The following ELOVL5 variants were observed in gnomAD, a reference collection of about 807,000 sequenced individuals.
ELOVL5 encodes very long chain fatty acid elongase 5.
Under a neutral mutation model 38.6 loss-of-function variants are expected in ELOVL5, and 8 were observed. That is an observed-to-expected ratio of 0.21 (90% confidence interval 0.12 to 0.37). The LOEUF is 0.37. ELOVL5 is among the 10% of genes least tolerant of loss of function. ELOVL5 has a pLI of 1.00. For synonymous variants in ELOVL5, 127 were observed against 133.7 expected, an observed-to-expected ratio of 0.95 and a Z score of 0.34; for missense variants, 280 against 367.8, an observed-to-expected ratio of 0.76 and a Z score of 1.95.
Position 53,284,328 on chromosome 6 carries a change from G to T in ELOVL5, c.246+7448C>A, listed in dbSNP as rs567277817. 4.5e-3 allele frequency among the ~76,000 whole-genome samples: 647 copies of T among 144,532 alleles called. 8 individuals are homozygous for T. Among genetic ancestry groups the T allele is most frequent in the African/African-American group, 0.016 (624 of 38,270 alleles). 94.8% of individuals were successfully genotyped at this position (144,532 alleles called of 152,430 possible). A position where few individuals can be genotyped will look rare whatever the true frequency, so the allele number is the denominator to read the frequency against. On this transcript the variant is annotated intron_variant, in intron 3 of 7. Coordinates refer to ENST00000304434, the MANE Select transcript of ELOVL5 (RefSeq NM_021814.5). The stretch of plus-strand genomic sequence containing the variant: ...TTTTTTTTTTTTAAAAAAAAAGGTA[G>T]AAATAACTCCTGACAACAGTAACAT...
chr6:53,342,375 T>C (rs1468414702), intron 1 of ELOVL5, among the ~76,000 whole-genome samples: 1 of 152,198 alleles, frequency 6.6e-6, no homozygotes. Context: ...TGTTGTAGCA[T>C]TTGCTGTGCC....
chr6:53,338,027 C>T (rs1014357204), intron 1 of ELOVL5, among the ~76,000 whole-genome samples: 1 of 151,954 alleles, frequency 6.6e-6, no homozygotes, highest in Admixed American at 6.6e-5. Context: ...GTGGGGCACC[C>T]AACGATGAAA....
chr6:53,329,360 C>T (rs1581987475), intron 1 of ELOVL5, among the ~76,000 whole-genome samples: 1 of 151,902 alleles, frequency 6.6e-6, no homozygotes, highest in African/African-American at 2.4e-5. Flanking sequence ...TTGTTTTAAA[C>T]CTATATTTTA....
intron 1 of ELOVL5, among the ~76,000 whole-genome samples, chr6:53,348,478 G>A (rs1307635458): frequency 6.6e-6 from 1 of 152,040 alleles, no homozygotes; most frequent in Non-Finnish European, 1.5e-5. Context: ...CGTCTGGTGT[G>A]GGCACGGTGT....
chr6:53,271,088 G>A (rs895360126), intron 6 of ELOVL5, among the ~76,000 whole-genome samples: 3 of 152,192 alleles, frequency 2.0e-5, no homozygotes, highest in African/African-American at 7.2e-5. Context: ...CCACCTGGCT[G>A]GACATCCTTC....
chr6:53,303,787 TA>T (rs2127579037), intron 1 of ELOVL5, among the ~76,000 whole-genome samples: 1 of 152,370 alleles, frequency 6.6e-6, no homozygotes, highest in East Asian at 1.9e-4. Flanking sequence ...ACTAGTTAAT[TA>T]AAAAGCACTT....
intron 1 of ELOVL5, among the ~76,000 whole-genome samples, chr6:53,316,432 C>T (rs941604559): frequency 6.6e-6 from 1 of 151,812 alleles, no homozygotes; most frequent in African/African-American, 2.4e-5. Context: ...TTAAGGCTTG[C>T]TAGTGGGGAT....
chr6:53,334,337 G>C (rs192150009), intron 1 of ELOVL5, among the ~76,000 whole-genome samples: 1 of 152,296 alleles, frequency 6.6e-6, no homozygotes, highest in East Asian at 1.9e-4. Context: ...CAGAGCCAGA[G>C]AGGCTCCTGA....
At chr6:53,332,796 A>C (rs2127591975) in intron 1 of ELOVL5, among the ~76,000 whole-genome samples, 1 of 152,324 alleles carries the variant, frequency 6.6e-6, no homozygotes, top group South Asian at 2.1e-4. Flanking sequence ...TCTGTTTGCT[A>C]ATCAGTTCAA....
intron 1 of ELOVL5, among the ~76,000 whole-genome samples, chr6:53,300,532 G>C (rs79879075): frequency 0.016 from 2,445 of 152,314 alleles, 22 homozygotes; most frequent in Middle Eastern, 0.051. Flanking sequence ...GGAAAACATA[G>C]AGAAGGCAGC....
chr6:53,345,292 G>A (rs1440384517), intron 1 of ELOVL5, among the ~76,000 whole-genome samples: 7 of 152,166 alleles, frequency 4.6e-5, no homozygotes, highest in African/African-American at 1.4e-4. Flanking sequence ...CCTGCCCTCA[G>A]GACTTTTCAG....
At chr6:53,346,237 G>A (rs923524907) in intron 1 of ELOVL5, among the ~76,000 whole-genome samples, 2 of 152,134 alleles carry the variant, frequency 1.3e-5, no homozygotes, top group Admixed American at 6.5e-5. Flanking sequence ...CAAAAGACAC[G>A]AACTCATCTT....
intron 1 of ELOVL5, among the ~76,000 whole-genome samples, chr6:53,328,623 C>T (rs1363375653): frequency 6.6e-6 from 1 of 151,940 alleles, no homozygotes; most frequent in Non-Finnish European, 1.5e-5. Flanking sequence ...CCAAAATCAA[C>T]AGTTAAAAAA....
chr6:53,345,372 G>C (rs903347231), intron 1 of ELOVL5, among the ~76,000 whole-genome samples: 17 of 152,168 alleles, frequency 1.1e-4, no homozygotes, highest in Admixed American at 9.8e-4. Context: ...ACCAATTCAG[G>C]AATGCTAGGC....
chr6:53,314,283 G>T (rs1261826945), intron 1 of ELOVL5, among the ~76,000 whole-genome samples: 2 of 152,154 alleles, frequency 1.3e-5, no homozygotes, highest in Non-Finnish European at 2.9e-5. Flanking sequence ...CTGTCATAGA[G>T]CCATTTAGCT....
intron 1 of ELOVL5, among the ~76,000 whole-genome samples, chr6:53,331,677 A>G (rs926059902): frequency 6.6e-6 from 1 of 152,244 alleles, no homozygotes. Context: ...TGAAACTTGG[A>G]GTACACCGAG....
rs767535319 is a variant in ELOVL5, at chr6:53,269,066, C to T, written c.*61G>A. 2.5e-6 allele frequency: 4 copies of T among 1,579,994 alleles called. No homozygotes were observed. Among genetic ancestry groups the T allele is most frequent in the Non-Finnish European group, 2.6e-6 (3 of 1,160,388 alleles). ...CAGCAGCTGTTAACGAGCATTGGGG[C>T]ACAACTCATATTGTGCTTACAATCA... On this transcript the variant is annotated 3_prime_UTR_variant, in exon 8 of 8. Transcript: ENST00000304434.
chr6:53,346,091 G>A (rs1349380804), intron 1 of ELOVL5, among the ~76,000 whole-genome samples: 1 of 152,064 alleles, frequency 6.6e-6, no homozygotes, highest in Non-Finnish European at 1.5e-5. Flanking sequence ...GCCCGGGTGT[G>A]TGATGTTTCC....
chr6:53,307,129 G>A (rs945559811), intron 1 of ELOVL5, among the ~76,000 whole-genome samples: 2 of 152,244 alleles, frequency 1.3e-5, no homozygotes, highest in African/African-American at 2.4e-5. Context: ...TTTAATGAGT[G>A]TCTACTTTGT....
Sources: allele counts gnomAD v4.1 joint callset (sites outside exome capture counted in the v4.1 genomes callset), GRCh38; gene constraint gnomAD v4.1.1; transcripts MANE v1.5; gene names NCBI Gene and HGNC (gene_info 2026-07-23, HGNC 2026-07-21).